SLC8A1: variants seen among roughly 807,000 people sequenced by gnomAD.
SLC8A1 encodes the protein sodium/calcium exchanger 1.
A neutral mutation model predicts 68.3 loss-of-function variants in SLC8A1; 18 were observed. The ratio of observed to expected loss-of-function variants is 0.26; its 90% confidence interval spans 0.18 to 0.39. The LOEUF is 0.39. SLC8A1 is among the 10% of genes least tolerant of loss of function. The pLI is 1.00. For missense variants in SLC8A1, 985 were observed against 1,156.7 expected (o/e 0.85, Z 2.15); for synonymous variants, 475 against 415.5 (o/e 1.14, Z -1.74).
intron 4 of SLC8A1, among the ~76,000 whole-genome samples, chr2:40,165,653 G>C (rs977003638): frequency 6.6e-6 from 1 of 152,166 alleles, no homozygotes; most frequent in African/African-American, 2.4e-5. Context: ...TAAACAGGGA[G>C]GGCGAGGGTG....
At position 40,169,797 on chromosome 2, in the gene SLC8A1, T is replaced by C. The variant is rs528951464; in HGVS notation, c.1931-4813A>G. On this transcript the variant is annotated intron_variant, in intron 4 of 7. Transcript: ENST00000406785. ...CTCTACAAAAAGTACAAAAAGTAGC[T>C]GGGCATGGTGGTACACACCTATAGT... Among the ~76,000 whole-genome samples, 7 of 152,108 alleles carry C rather than the reference T, an allele frequency of 4.6e-5. No homozygotes were observed. In the East Asian group the frequency reaches 1.4e-3, roughly 29 times the overall value.
At chr2:40,304,413 C>G (rs1279692655) in intron 2 of SLC8A1, among the ~76,000 whole-genome samples, 1 of 152,140 alleles carries the variant, frequency 6.6e-6, no homozygotes, top group Non-Finnish European at 1.5e-5. Flanking sequence ...ACCACATTAT[C>G]AAGTCCTGGA....
chr2:40,307,940 T>A (rs578225987), intron 2 of SLC8A1, among the ~76,000 whole-genome samples: 57 of 152,072 alleles, frequency 3.7e-4, no homozygotes, highest in Non-Finnish European at 6.9e-4. Flanking sequence ...TTCTGCATCA[T>A]GAAGAGCAGG....
chr2:40,222,316 T>A (rs1376792327), intron 2 of SLC8A1, among the ~76,000 whole-genome samples: 2 of 152,150 alleles, frequency 1.3e-5, no homozygotes, highest in African/African-American at 4.8e-5. Context: ...GAAAACTGGC[T>A]AGCCATACGC....
intron 7 of SLC8A1, among the ~76,000 whole-genome samples, chr2:40,119,260 G>T (rs1355243491): frequency 6.6e-6 from 1 of 151,788 alleles, no homozygotes; most frequent in East Asian, 1.9e-4. Context: ...GCTACTTTGT[G>T]TCTCATAGGT....
chr2:40,409,669 A>G (rs1691488665), intron 2 of SLC8A1, among the ~76,000 whole-genome samples: 1 of 152,172 alleles, frequency 6.6e-6, no homozygotes, highest in African/African-American at 2.4e-5. Flanking sequence ...GGAAAGGAAT[A>G]AGAGCAATAG....
intron 2 of SLC8A1, among the ~76,000 whole-genome samples, chr2:40,351,595 A>AAG (rs1158348745): frequency 1.3e-5 from 2 of 152,048 alleles, no homozygotes; most frequent in African/African-American, 4.8e-5. Context: ...CAAAAAAAAA[A>AAG]AAAAGTTGGA....
chr2:40,133,926 C>CA (rs1179293640), intron 7 of SLC8A1, among the ~76,000 whole-genome samples: 1 of 151,764 alleles, frequency 6.6e-6, no homozygotes, highest in Non-Finnish European at 1.5e-5. Context: ...GCCCTTAGTC[C>CA]AAAAAAAGGC....
chr2:40,462,529 C>T (rs1298857320), intron 1 of SLC8A1, among the ~76,000 whole-genome samples: 9 of 150,688 alleles, frequency 6.0e-5, no homozygotes, highest in South Asian at 2.1e-4. Flanking sequence ...TCAGAGCAGG[C>T]GGGGCATGGT....
chr2:40,496,810 A>C (rs1410106640), intron 1 of SLC8A1, among the ~76,000 whole-genome samples: 1 of 151,754 alleles, frequency 6.6e-6, no homozygotes, highest in Non-Finnish European at 1.5e-5. Context: ...CATTCTCAGT[A>C]AACTACCGCA....
intron 2 of SLC8A1, among the ~76,000 whole-genome samples, chr2:40,264,793 T>C (rs1559020474): frequency 6.6e-6 from 1 of 152,114 alleles, no homozygotes; most frequent in East Asian, 1.9e-4. Context: ...GGCACATGTA[T>C]ACATATGTAA....
chr2:40,270,078 A>G (rs966459708), intron 2 of SLC8A1, among the ~76,000 whole-genome samples: 3 of 152,214 alleles, frequency 2.0e-5, no homozygotes, highest in African/African-American at 7.2e-5. Context: ...TCTTCAAGCT[A>G]GCTCTCATGT....
At chr2:40,504,552 A>G (rs1180757688) in intron 1 of SLC8A1, among the ~76,000 whole-genome samples, 1 of 152,066 alleles carries the variant, frequency 6.6e-6, no homozygotes, top group Non-Finnish European at 1.5e-5. Context: ...ATATTTGCAA[A>G]TTACCCATCT....
chr2:40,444,728 T>A (rs776008995), intron 1 of SLC8A1, among the ~76,000 whole-genome samples: 7 of 152,234 alleles, frequency 4.6e-5, no homozygotes, highest in Non-Finnish European at 1.0e-4. Context: ...TTATGTGATA[T>A]TCAAATTTCA....
At chr2:40,278,614 C>A (rs1290260644) in intron 2 of SLC8A1, among the ~76,000 whole-genome samples, 1 of 152,146 alleles carries the variant, frequency 6.6e-6, no homozygotes, top group African/African-American at 2.4e-5. Flanking sequence ...GGCAAAGCGA[C>A]ATACCTCAGT....
intron 1 of SLC8A1, among the ~76,000 whole-genome samples, chr2:40,473,160 C>G (rs1462686063): frequency 6.6e-6 from 1 of 152,038 alleles, no homozygotes; most frequent in Non-Finnish European, 1.5e-5. Context: ...ACCTGAGATA[C>G]AGAGGACCTA....
intron 7 of SLC8A1, among the ~76,000 whole-genome samples, chr2:40,126,626 G>T (rs987538937): frequency 6.6e-6 from 1 of 152,148 alleles, no homozygotes; most frequent in Non-Finnish European, 1.5e-5. Flanking sequence ...TAGGGGTGGG[G>T]TGGGGGAGGA....
At chr2:40,183,159 G>A (rs1441414508) in intron 2 of SLC8A1, among the ~76,000 whole-genome samples, 1 of 152,166 alleles carries the variant, frequency 6.6e-6, no homozygotes, top group Non-Finnish European at 1.5e-5. Flanking sequence ...TCTCAGAGAA[G>A]TTGGTAACTT....
chr2:40,317,623 GT>G (rs1321209201), intron 2 of SLC8A1, among the ~76,000 whole-genome samples: 1 of 151,944 alleles, frequency 6.6e-6, no homozygotes, highest in Non-Finnish European at 1.5e-5. Context: ...TATTTAAAAT[GT>G]TATACTGCAT....
Sources: gnomAD v4.1 joint callset for allele counts (sites outside exome capture counted in the v4.1 genomes callset) on GRCh38, gnomAD v4.1.1 for gene constraint, MANE v1.5 for transcripts, NCBI Gene and HGNC (gene_info 2026-07-23, HGNC 2026-07-21) for gene names.